The following FBXW7 variants were observed in gnomAD, a reference collection of about 807,000 sequenced individuals.
FBXW7 encodes the protein F-box/WD repeat-containing protein 7.
FBXW7 carries 11 observed loss-of-function variants against 86.3 expected under a neutral mutation model. The observed-to-expected ratio is 0.13, with a 90% CI of 0.08 to 0.21. The LOEUF is 0.21. Ranked by LOEUF, FBXW7 falls within the 10% of genes least tolerant of loss-of-function variation. FBXW7 has a pLI of 1.00. For synonymous variants in FBXW7, 313 were observed against 297.9 expected (o/e 1.05, Z -0.52); for missense variants, 488 against 847.4 (o/e 0.58, Z 5.27).
At chr4:152,381,863 C>T (rs989279776) in intron 4 of FBXW7, among the ~76,000 whole-genome samples, 11 of 152,106 alleles carry the variant, frequency 7.2e-5, no homozygotes, top group African/African-American at 2.7e-4. Flanking sequence ...TTTTGCCTTT[C>T]ATGCAAAAAC....
At chr4:152,477,816 G>A (rs906337872) in intron 2 of FBXW7, among the ~76,000 whole-genome samples, 1 of 152,014 alleles carries the variant, frequency 6.6e-6, no homozygotes, top group African/African-American at 2.4e-5. Context: ...TTTTTAATCT[G>A]CAAATTTAAA....
chr4:152,420,101 C>T lies in FBXW7; in HGVS notation c.-119-7572G>A, dbSNP rs371984176. Among the ~76,000 whole-genome samples, 9 of 152,158 alleles carry T rather than the reference C, an allele frequency of 5.9e-5. No homozygotes were observed. In the East Asian group the frequency reaches 7.7e-4, roughly 13 times the overall value. ...ATTGGAGGCAATCCTCCCAAACCAC[C>T]GCTGCTTTATCAATTTGTCAACTAA... On this transcript the variant is annotated intron_variant, in intron 2 of 13. Transcript: ENST00000281708.
chr4:152,472,242 G>T (rs1236800906), intron 2 of FBXW7, among the ~76,000 whole-genome samples: 1 of 152,176 alleles, frequency 6.6e-6, no homozygotes, highest in African/African-American at 2.4e-5. Flanking sequence ...CTGTTCGGAA[G>T]TGTCTACTAA....
chr4:152,398,828 G>A (rs1736660055), intron 4 of FBXW7, among the ~76,000 whole-genome samples: 1 of 152,014 alleles, frequency 6.6e-6, no homozygotes, highest in Middle Eastern at 3.2e-3. Context: ...CAAAGTAAAA[G>A]TAGACCCACA....
chr4:152,431,659 A>G (rs1175493830), intron 2 of FBXW7, among the ~76,000 whole-genome samples: 2 of 152,224 alleles, frequency 1.3e-5, no homozygotes, highest in Non-Finnish European at 2.9e-5. Flanking sequence ...AATACTTACC[A>G]AATGAAACCT....
intron 2 of FBXW7, among the ~76,000 whole-genome samples, chr4:152,453,783 G>A (rs958423457): frequency 6.6e-6 from 1 of 152,008 alleles, no homozygotes; most frequent in Non-Finnish European, 1.5e-5. Context: ...GCATGTGTTA[G>A]TTTCTAAAAG....
chr4:152,340,575 C>CAAAA (rs556530800), intron 6 of FBXW7, among the ~76,000 whole-genome samples: 6 of 31,890 alleles, frequency 1.9e-4, no homozygotes, highest in African/African-American at 2.6e-4. Flanking sequence ...AACTCCATCT[C>CAAAA]AAAAAAAAAA....
chr4:152,505,843 G>T (rs1030048561), intron 2 of FBXW7, among the ~76,000 whole-genome samples: 1 of 151,458 alleles, frequency 6.6e-6, no homozygotes, highest in Non-Finnish European at 1.5e-5. Flanking sequence ...CCAGGTTCAA[G>T]CAATTCTCGT....
intron 4 of FBXW7, among the ~76,000 whole-genome samples, chr4:152,365,049 G>A (rs1163099102): frequency 6.6e-6 from 1 of 152,100 alleles, no homozygotes; most frequent in Non-Finnish European, 1.5e-5. Flanking sequence ...CTGCAACTGT[G>A]GTAAATGCTG....
intron 4 of FBXW7, among the ~76,000 whole-genome samples, chr4:152,371,812 AAATT>A (rs1734030425): frequency 6.6e-6 from 1 of 151,970 alleles, no homozygotes; most frequent in East Asian, 1.9e-4. Flanking sequence ...TTTGTTGAAT[AAATT>A]AATTAAGCCA....
chr4:152,495,655 G>A (rs1430318367), intron 2 of FBXW7, among the ~76,000 whole-genome samples: 1 of 152,062 alleles, frequency 6.6e-6, no homozygotes, highest in Non-Finnish European at 1.5e-5. Flanking sequence ...GAGACTTTTG[G>A]CCCTTAGTGG....
chr4:152,387,180 C>T (rs1735595401), intron 4 of FBXW7, among the ~76,000 whole-genome samples: 1 of 152,162 alleles, frequency 6.6e-6, no homozygotes, highest in African/African-American at 2.4e-5. Flanking sequence ...AAAACTTTCA[C>T]AGGAATAATA....
chr4:152,445,910 T>TAAAAAAAAAAA (rs11457603), intron 2 of FBXW7, among the ~76,000 whole-genome samples: 1 of 100,680 alleles, frequency 9.9e-6, no homozygotes, highest in African/African-American at 3.0e-5. Context: ...ACTCTGTCTT[T>TAAAAAAAAAAA]AAAAAAAAAA....
chr4:152,321,548 T>C lies in FBXW7; in HGVS notation c.*1333A>G, dbSNP rs554010319. ...TGGAGAATGAGGCAAACCATTTGAC[T>C]GTTTCATTCATTTTGTTTGTTTGCA... On this transcript the variant is annotated 3_prime_UTR_variant, in exon 14 of 14. Transcript: ENST00000281708. 1.7e-5 allele frequency: 4 copies of C among 233,094 alleles called. No individual in the cohort carries two copies. The highest frequency in any genetic ancestry group is 8.8e-5 in the African/African-American group (4 of 45,324). 14.4% of individuals were successfully genotyped at this position (233,094 alleles called of 1,614,324 possible).
rs191746669 is a variant in FBXW7, at chr4:152,406,356, G to A, written c.501+4947C>T. Among the ~76,000 whole-genome samples, 13 of 152,196 alleles carry A rather than the reference G, an allele frequency of 8.5e-5. No homozygotes were observed. In the East Asian group the frequency reaches 2.1e-3, roughly 25 times the overall value. ...CACGCCTGTAGTCCCAGCTACACAG[G>A]AGGATCTCTTATGCCCAGGGGTTCA... On this transcript the variant is annotated intron_variant, in intron 4 of 13. Coordinates refer to ENST00000281708, the MANE Select transcript of FBXW7 (RefSeq NM_001349798.2).
intron 4 of FBXW7, among the ~76,000 whole-genome samples, chr4:152,358,811 A>G (rs1732646849): frequency 6.6e-6 from 1 of 152,190 alleles, no homozygotes; most frequent in African/African-American, 2.4e-5. Flanking sequence ...CACATAACAG[A>G]TACCCTAGAA....
intron 2 of FBXW7, among the ~76,000 whole-genome samples, chr4:152,435,310 T>C (rs1007224254): frequency 1.3e-5 from 2 of 152,238 alleles, no homozygotes; most frequent in African/African-American, 4.8e-5. Context: ...CTTTAACAAC[T>C]TTGAAAGATT....
At chr4:152,458,731 T>G (rs1742664337) in intron 2 of FBXW7, among the ~76,000 whole-genome samples, 1 of 152,164 alleles carries the variant, frequency 6.6e-6, no homozygotes, top group Admixed American at 6.5e-5. Context: ...TCAGCTCTAT[T>G]AAGAGTGAAC....
At chr4:152,445,510 T>C (rs1741288965) in intron 2 of FBXW7, among the ~76,000 whole-genome samples, 1 of 152,226 alleles carries the variant, frequency 6.6e-6, no homozygotes, top group Non-Finnish European at 1.5e-5. Context: ...TATTTCCCAG[T>C]TGTGTGATTT....
Sources: gnomAD v4.1 joint callset for allele counts (sites outside exome capture counted in the v4.1 genomes callset) on GRCh38, gnomAD v4.1.1 for gene constraint, MANE v1.5 for transcripts, NCBI Gene and HGNC (gene_info 2026-07-23, HGNC 2026-07-21) for gene names.